Variants in RASAL2 observed in about 807,000 individuals in gnomAD.
RASAL2 encodes RAS protein activator like 2, also known as ras GTPase-activating protein nGAP.
Under a neutral mutation model 128.9 loss-of-function variants are expected in RASAL2, and 58 were observed. That is an observed-to-expected ratio of 0.45 (90% CI 0.36 to 0.56). RASAL2 has a LOEUF of 0.56. Ranked by LOEUF, RASAL2 falls within the 20% of genes least tolerant of loss-of-function variation. The probability of loss-of-function intolerance (pLI) is 0.00; values close to 1 mark genes in which losing one functional copy is unlikely to be tolerated. For missense variants in RASAL2, 1,360 were observed against 1,601.6 expected (o/e 0.85, Z 2.57); for synonymous variants, 561 against 580.8 (o/e 0.97, Z 0.49).
chr1:178,441,543 T>G lies in RASAL2; in HGVS notation c.829-6T>G. On this transcript the variant is annotated splice_polypyrimidine_tract_variant and splice_region_variant and intron_variant, in intron 6 of 17. Coordinates refer to ENST00000367649, the MANE Select transcript of RASAL2 (RefSeq NM_170692.4). The stretch of plus-strand genomic sequence containing the variant: ...CTTTTTCTTATGTCTAATTTTTATG[T>G]TGAAGGTTACCTACTTAAGTGGAAG... 1 of 1,609,078 alleles carries G rather than the reference T, an allele frequency of 6.2e-7. No individual in the cohort carries two copies. Among genetic ancestry groups the G allele is most frequent in the Non-Finnish European group, 8.5e-7 (1 of 1,176,208 alleles).
intron 2 of RASAL2, among the ~76,000 whole-genome samples, chr1:178,286,536 G>A (rs1436623951): frequency 1.3e-5 from 2 of 151,922 alleles, no homozygotes; most frequent in Admixed American, 6.6e-5. Flanking sequence ...TCAGCCTCCC[G>A]AGTAGCTGGG....
chr1:178,140,169 G>A (rs867014669), intron 1 of RASAL2, among the ~76,000 whole-genome samples: 4 of 152,118 alleles, frequency 2.6e-5, no homozygotes, highest in Admixed American at 6.6e-5. Context: ...TCCAAGGACA[G>A]TTTTTGTTTT....
At chr1:178,207,042 C>T (rs563302973) in intron 1 of RASAL2, among the ~76,000 whole-genome samples, 14 of 151,168 alleles carry the variant, frequency 9.3e-5, no homozygotes, top group African/African-American at 3.4e-4. Context: ...ATTAGCTGGG[C>T]ATGGTGTTGC....
intron 1 of RASAL2, among the ~76,000 whole-genome samples, chr1:178,237,592 C>T (rs1664311079): frequency 1.3e-5 from 2 of 152,136 alleles, no homozygotes; most frequent in South Asian, 4.1e-4. Flanking sequence ...CTTTAATATT[C>T]TTACTTTTAC....
chr1:178,403,312 A>G (rs1278510241), intron 4 of RASAL2, among the ~76,000 whole-genome samples: 2 of 152,138 alleles, frequency 1.3e-5, no homozygotes, highest in Non-Finnish European at 2.9e-5. Flanking sequence ...AACTTTTCTT[A>G]ATAATTCACA....
At position 178,473,997 on chromosome 1, in the gene RASAL2, T is replaced by G. The variant is rs1424695082; in HGVS notation, c.*758T>G. 1 of 152,346 alleles carries G rather than the reference T, an allele frequency of 6.6e-6. No homozygotes were observed. The highest frequency in any genetic ancestry group is 1.9e-4 in the East Asian group (1 of 5,202). 9.4% of individuals were successfully genotyped at this position (152,346 alleles called of 1,614,324 possible). A position where few individuals can be genotyped will look rare whatever the true frequency, so the allele number is the denominator to read the frequency against. On this transcript the variant is annotated 3_prime_UTR_variant, in exon 18 of 18. Coordinates refer to ENST00000367649, the MANE Select transcript of RASAL2 (RefSeq NM_170692.4). The stretch of plus-strand genomic sequence containing the variant: ...GAGTCTTCTCTTTTAGACAGGGGCT[T>G]TTTGTTTTTAACCCCAATTGTAATA...
chr1:178,458,142 T>A lies in RASAL2; in HGVS notation c.2850T>A (p.Thr950=). 6.2e-7 allele frequency: 1 copy of A among 1,614,224 alleles called. No homozygotes were observed. Among genetic ancestry groups the A allele is most frequent in the Non-Finnish European group, 8.5e-7 (1 of 1,180,040 alleles). The part of the protein sequence containing the change: ...SIDSSLENLS[T]ASSRSQSNSE... ...ATTCCAGTTTGGAGAACCTAAGCACTGCCAGTTCCAGAAGCCAAAGTAACA... is the reference window on the plus strand; with the variant it reads ...ATTCCAGTTTGGAGAACCTAAGCACAGCCAGTTCCAGAAGCCAAAGTAACA... The change falls in exon 14 of 18, where the codon ACT becomes ACA. Residue 950 remains threonine, a synonymous_variant. Coordinates refer to ENST00000367649, the MANE Select transcript of RASAL2 (RefSeq NM_170692.4).
chr1:178,132,207 A>G (rs1165455889), intron 1 of RASAL2, among the ~76,000 whole-genome samples: 1 of 150,734 alleles, frequency 6.6e-6, no homozygotes, highest in Non-Finnish European at 1.5e-5. Context: ...TGCCTGGCTA[A>G]TTTAAAAAAT....
intron 3 of RASAL2, among the ~76,000 whole-genome samples, chr1:178,351,676 C>T (rs899484278): frequency 8.0e-5 from 12 of 150,272 alleles, no homozygotes; most frequent in Non-Finnish European, 1.5e-4. Context: ...TTGCAGTGAG[C>T]CAAGATTGTG....
At chr1:178,458,636 A>G (rs1677960178) in intron 14 of RASAL2, 92 bp downstream of exon 14, 1 of 1,466,960 alleles carries the variant, frequency 6.8e-7, no homozygotes, top group Admixed American at 2.3e-5. Flanking sequence ...TCCTATTGTT[A>G]ACAAGATTTC....
intron 1 of RASAL2, among the ~76,000 whole-genome samples, chr1:178,156,202 T>G (rs1661079827): frequency 6.6e-6 from 1 of 152,228 alleles, no homozygotes; most frequent in Admixed American, 6.5e-5. Context: ...CAGTATTTGC[T>G]GCTGAAAGCT....
intron 1 of RASAL2, among the ~76,000 whole-genome samples, chr1:178,102,235 G>A (rs1658926602): frequency 6.6e-6 from 1 of 151,956 alleles, no homozygotes; most frequent in Non-Finnish European, 1.5e-5. Flanking sequence ...TATAATTTGT[G>A]CTTAACATAA....
At chr1:178,179,437 G>A (rs1571591374) in intron 1 of RASAL2, among the ~76,000 whole-genome samples, 2 of 152,180 alleles carry the variant, frequency 1.3e-5, no homozygotes, top group East Asian at 3.9e-4. Flanking sequence ...GGATAAAAGA[G>A]TAGCGAAGAG....
chr1:178,252,474 A>G (rs1665098559), intron 1 of RASAL2, among the ~76,000 whole-genome samples: 1 of 152,140 alleles, frequency 6.6e-6, no homozygotes, highest in Non-Finnish European at 1.5e-5. Flanking sequence ...TAGAAAATAA[A>G]AAATTTATTT....
rs1205409721 is a variant in RASAL2 at position 178,317,400 on chromosome 1, C to T, written c.457+17282C>T. Among the ~76,000 whole-genome samples, 6 of 145,300 alleles carry T rather than the reference C, an allele frequency of 4.1e-5. No homozygotes were observed. The East Asian group carries it at 8.1e-4, about 20-fold the overall frequency. ...TCCTCCTTGTACCTCTGGTAGAATT[C>T]GGCTGTGAATCCATCTGGTCCTGGA... On this transcript the variant is annotated intron_variant, in intron 3 of 17. Transcript: ENST00000367649.
intron 1 of RASAL2, among the ~76,000 whole-genome samples, chr1:178,271,091 TG>T (rs1398692688): frequency 6.6e-6 from 1 of 152,202 alleles, no homozygotes; most frequent in African/African-American, 2.4e-5. Context: ...ATCTATATAA[TG>T]GGCGAGAGGA....
intron 1 of RASAL2, among the ~76,000 whole-genome samples, chr1:178,097,702 AC>A (rs1233193447): frequency 6.6e-6 from 1 of 152,200 alleles, no homozygotes; most frequent in East Asian, 1.9e-4. Context: ...CATGATGGGA[AC>A]AAACAACAAC....
intron 3 of RASAL2, among the ~76,000 whole-genome samples, chr1:178,301,002 G>GT (rs1271881247): frequency 6.6e-6 from 1 of 152,090 alleles, no homozygotes; most frequent in Non-Finnish European, 1.5e-5. Context: ...TTTTGTTTGT[G>GT]TTTTCTAAAA....
chr1:178,315,425 A>G (rs1422555716), intron 3 of RASAL2, among the ~76,000 whole-genome samples: 5 of 142,846 alleles, frequency 3.5e-5, no homozygotes, highest in African/African-American at 5.7e-5. Context: ...AACTGTTCCT[A>G]TTTCTCCACA....
Sources: allele counts gnomAD v4.1 joint callset (sites outside exome capture counted in the v4.1 genomes callset), GRCh38; gene constraint gnomAD v4.1.1; transcripts MANE v1.5; gene names NCBI Gene and HGNC (gene_info 2026-07-23, HGNC 2026-07-21).